RALGPS2: variants seen among roughly 807,000 people sequenced by gnomAD.
The protein encoded by RALGPS2 is Ral GEF with PH domain and SH3 binding motif 2, also known as ras-specific guanine nucleotide-releasing factor RalGPS2.
In RALGPS2, 43 loss-of-function variants were observed where a neutral mutation model predicts 86.8. That is an observed-to-expected ratio of 0.50 (90% CI 0.39 to 0.64). The LOEUF (loss-of-function observed/expected upper bound fraction) is 0.64. Among genes scored for constraint, RALGPS2 ranks in the 30% least tolerant of loss-of-function variants. The probability of loss-of-function intolerance (pLI) is 0.00; values close to 1 mark genes in which losing one functional copy is unlikely to be tolerated. For missense variants in RALGPS2, 536 were observed against 694.6 expected (o/e 0.77, Z 2.57); for synonymous variants, 243 against 231.3 (o/e 1.05, Z -0.46).
intron 8 of RALGPS2, chr1:178,853,620 A>C (rs1320656771): frequency 6.3e-7 from 1 of 1,599,208 alleles, no homozygotes; most frequent in Non-Finnish European, 8.5e-7. Context: ...TTTCTGAAGA[A>C]GTTGACAGAG....
chr1:178,840,251 G>A (rs1230571372), intron 8 of RALGPS2, among the ~76,000 whole-genome samples: 1 of 152,230 alleles, frequency 6.6e-6, no homozygotes, highest in Non-Finnish European at 1.5e-5. Flanking sequence ...ATAGTTGGAA[G>A]TAAAGCACTC....
chr1:178,758,788 T>C (rs1483765925), intron 1 of RALGPS2, among the ~76,000 whole-genome samples: 1 of 152,226 alleles, frequency 6.6e-6, no homozygotes, highest in Non-Finnish European at 1.5e-5. Context: ...ATTTTCTTTA[T>C]CCATACGTTC....
In RALGPS2 at chr1:178,918,856, A is replaced by G. The variant is rs765670426; in HGVS notation, c.*2497A>G. ...TATGTTACCAAAATATATTAAATAT[A>G]TAGGTAGTTCATTCGTGGGAAGATG... On this transcript the variant is annotated 3_prime_UTR_variant, in exon 20 of 20. Coordinates refer to ENST00000367635, the MANE Select transcript of RALGPS2 (RefSeq NM_152663.5). 6.6e-6 allele frequency: 1 copy of G among 152,112 alleles called. No homozygotes were observed. Among genetic ancestry groups the G allele is most frequent in the African/African-American group, 2.4e-5 (1 of 41,452 alleles). The allele number at this position is 152,112 out of a possible 1,614,324, so 9.4% of individuals were successfully genotyped here.
chr1:178,745,796 G>A (rs1382052123), intron 1 of RALGPS2, among the ~76,000 whole-genome samples: 1 of 143,464 alleles, frequency 7.0e-6, no homozygotes, highest in East Asian at 2.0e-4. Context: ...TTGAAAATGT[G>A]CTATTCAAAA....
chr1:178,808,179 T>C (rs752066255), intron 5 of RALGPS2, 51 bp downstream of exon 5: 20 of 1,193,516 alleles, frequency 1.7e-5, no homozygotes, highest in Non-Finnish European at 2.2e-5. Flanking sequence ...CCTCAATATA[T>C]ACTTTTTCCT....
At chr1:178,910,841 A>G (rs1478289762) in intron 19 of RALGPS2, among the ~76,000 whole-genome samples, 1 of 152,136 alleles carries the variant, frequency 6.6e-6, no homozygotes, top group African/African-American at 2.4e-5. Context: ...GATTGGTACT[A>G]GCTCTTTTTC....
intron 8 of RALGPS2, among the ~76,000 whole-genome samples, chr1:178,840,438 G>A (rs1314285545): frequency 2.0e-5 from 3 of 152,296 alleles, no homozygotes; most frequent in African/African-American, 7.2e-5. Context: ...AAATAAAGCT[G>A]TTCTTTGAAA....
chr1:178,859,828 C>CG (rs1387549946), intron 8 of RALGPS2, among the ~76,000 whole-genome samples: 2 of 84,320 alleles, frequency 2.4e-5, no homozygotes, highest in East Asian at 3.8e-4. Flanking sequence ...CCGCCCCCCC[C>CG]CCCCCAACCG....
At chr1:178,787,658 AT>A (rs1653722035) in intron 4 of RALGPS2, among the ~76,000 whole-genome samples, 5 of 152,248 alleles carry the variant, frequency 3.3e-5, no homozygotes, top group Admixed American at 1.3e-4. Context: ...GGGGCATCTG[AT>A]AGTACTTTGT....
intron 4 of RALGPS2, among the ~76,000 whole-genome samples, chr1:178,800,756 AGTT>A (rs1654431873): frequency 1.3e-5 from 2 of 152,012 alleles, no homozygotes; most frequent in Non-Finnish European, 2.9e-5. Flanking sequence ...CTAACCCCTG[AGTT>A]GTTTAAGGGT....
At position 178,845,988 on chromosome 1, in the gene RALGPS2, C is replaced by T. The variant is rs541915840; in HGVS notation, c.607+12438C>T. Among the ~76,000 whole-genome samples the T allele has an allele frequency of 2.3e-4, 35 of 152,092 alleles. No individual in the cohort carries two copies. The South Asian group carries it at 6.5e-3, about 28-fold the overall frequency. On this transcript the variant is annotated intron_variant, in intron 8 of 19. Coordinates refer to ENST00000367635, the MANE Select transcript of RALGPS2 (RefSeq NM_152663.5). Reference sequence around the variant, plus strand: ...ATACCTAAAATGATAAGAATCTTACCGATTTGGTTTTCAGTCGTTTTTGCA... The same window carrying T: ...ATACCTAAAATGATAAGAATCTTACTGATTTGGTTTTCAGTCGTTTTTGCA...
Position 178,811,499 on chromosome 1 carries a change from A to T in RALGPS2, c.387+95A>T, listed in dbSNP as rs532974004. ...GTGATGCTTTATTCACTGTTTATTG[A>T]TACTGGAAAAATAAGACTCATTGAT... On this transcript the variant is annotated intron_variant, in intron 6 of 19. Coordinates refer to ENST00000367635, the MANE Select transcript of RALGPS2 (RefSeq NM_152663.5). 3.3e-6 allele frequency: 3 copies of T among 921,076 alleles called. No individual in the cohort carries two copies. In the South Asian group the frequency reaches 5.3e-5, roughly 16 times the overall value. The allele number at this position is 921,076 out of a possible 1,614,324, so 57.1% of individuals were successfully genotyped here. A position where few individuals can be genotyped will look rare whatever the true frequency, so the allele number is the denominator to read the frequency against.
Position 178,807,693 on chromosome 1 carries a change from G to T in RALGPS2, c.214-352G>T, listed in dbSNP as rs563483537. 2.0e-5 allele frequency among the ~76,000 whole-genome samples: 3 copies of T among 152,324 alleles called. No homozygotes were observed. The East Asian group carries it at 5.8e-4, about 29-fold the overall frequency. The stretch of plus-strand genomic sequence containing the variant: ...TCAAAGAGTGAGATACTAGAAAGCT[G>T]ATTGGGAGCTCTGGGTGACTGAATA... On this transcript the variant is annotated intron_variant, in intron 4 of 19. Coordinates refer to ENST00000367635, the MANE Select transcript of RALGPS2 (RefSeq NM_152663.5).
intron 8 of RALGPS2, among the ~76,000 whole-genome samples, chr1:178,863,630 G>C (rs146765198): frequency 1.1e-3 from 164 of 152,316 alleles, no homozygotes; most frequent in African/African-American, 3.6e-3. Context: ...CAAACGTCTA[G>C]CTTTGGTTAA....
intron 7 of RALGPS2, among the ~76,000 whole-genome samples, chr1:178,827,741 AT>A (rs1477869014): frequency 2.6e-5 from 4 of 152,200 alleles, no homozygotes; most frequent in South Asian, 2.1e-4. Context: ...AGTAATCAAA[AT>A]ATTGTGGTTA....
intron 8 of RALGPS2, chr1:178,853,472 GA>G (rs1337921919): frequency 1.1e-6 from 1 of 905,402 alleles, no homozygotes; most frequent in East Asian, 3.0e-5. Context: ...TGTAGATAAT[GA>G]AAAAACATAT....
chr1:178,845,346 T>C (rs1656819131), intron 8 of RALGPS2, among the ~76,000 whole-genome samples: 1 of 152,186 alleles, frequency 6.6e-6, no homozygotes, highest in South Asian at 2.1e-4. Flanking sequence ...GTTTTCATGA[T>C]AGTACTTTTT....
intron 1 of RALGPS2, among the ~76,000 whole-genome samples, chr1:178,749,980 G>A (rs375289010): frequency 2.0e-5 from 3 of 151,996 alleles, no homozygotes; most frequent in East Asian, 1.9e-4. Context: ...GCATGGTGGC[G>A]CACACCTGTT....
intron 7 of RALGPS2, among the ~76,000 whole-genome samples, chr1:178,824,937 G>A (rs1278659312): frequency 6.6e-6 from 1 of 152,122 alleles, no homozygotes; most frequent in Admixed American, 6.5e-5. Context: ...TGATTGTTTT[G>A]TTTCCTCAGA....
Sources: gnomAD v4.1 joint callset for allele counts (sites outside exome capture counted in the v4.1 genomes callset) on GRCh38, gnomAD v4.1.1 for gene constraint, MANE v1.5 for transcripts, NCBI Gene and HGNC (gene_info 2026-07-23, HGNC 2026-07-21) for gene names.